The following GCSAM variants were observed in gnomAD, a reference collection of about 807,000 sequenced individuals.
GCSAM encodes the protein germinal center associated signaling and motility.
In GCSAM, 8 loss-of-function variants were observed where a neutral mutation model predicts 17.6. The ratio of observed to expected loss-of-function variants is 0.46; its 90% CI spans 0.27 to 0.82. The LOEUF is 0.82. Ranked by LOEUF, GCSAM falls within the 40% of genes least tolerant of loss-of-function variation. The pLI is 0.15. For missense variants in GCSAM, 192 were observed against 213.5 expected (o/e 0.90, Z 0.63); for synonymous variants, 68 against 69.0 (o/e 0.98, Z 0.07).
At chr3:112,123,904 T>C in intron 5 of GCSAM, 132 bp from the exon 6 acceptor site, 1 of 924,704 alleles carries the variant, frequency 1.1e-6, no homozygotes, top group South Asian at 1.7e-5. Context: ...TCTTGGCCAT[T>C]TTTTTCTAAA....
At chr3:112,128,147 G>A (rs1433529136) in intron 2 of GCSAM, 86 bp from the exon 3 acceptor site, 1 of 1,293,768 alleles carries the variant, frequency 7.7e-7, no homozygotes, top group South Asian at 1.2e-5. Context: ...CCATTTCTGT[G>A]GAAAACTTTT....
intron 1 of GCSAM, chr3:112,130,825 G>A: frequency 2.6e-6 from 1 of 384,572 alleles, no homozygotes; most frequent in Non-Finnish European, 4.9e-6. Context: ...CGTGTCCAGA[G>A]AGAGGCCTGA....
At chr3:112,126,346 C>T (rs1320015111) in intron 4 of GCSAM, among the ~76,000 whole-genome samples, 5 of 152,150 alleles carry the variant, frequency 3.3e-5, no homozygotes, top group Non-Finnish European at 7.4e-5. Context: ...AACACAATGG[C>T]TTGTCCTCAG....
At chr3:112,125,146 G>A in intron 5 of GCSAM, 80 bp downstream of exon 5, 1 of 927,130 alleles carries the variant, frequency 1.1e-6, no homozygotes, top group Non-Finnish European at 1.8e-6. Context: ...AGGGATCTCA[G>A]AGGCCAACTT....
intron 1 of GCSAM, among the ~76,000 whole-genome samples, chr3:112,132,306 G>T (rs2074475621): frequency 6.6e-6 from 1 of 152,036 alleles, no homozygotes; most frequent in Non-Finnish European, 1.5e-5. Flanking sequence ...TGAGACCAGG[G>T]ATTCCAAACA....
At chr3:112,130,710 C>T (rs1050790174) in intron 1 of GCSAM, 197 bp from the exon 2 acceptor site, 2 of 597,288 alleles carry the variant, frequency 3.3e-6, no homozygotes, top group African/African-American at 1.8e-5. Context: ...CTCTCCATTG[C>T]CACAGCAACA....
At chr3:112,131,408 C>T (rs2074448236) in intron 1 of GCSAM, among the ~76,000 whole-genome samples, 1 of 152,160 alleles carries the variant, frequency 6.6e-6, no homozygotes, top group Admixed American at 6.5e-5. Context: ...TAGATGATAA[C>T]TGGGTGTTGG....
chr3:112,133,006 A>G (rs2107819149), intron 1 of GCSAM, 86 bp downstream of exon 1: 1 of 1,375,276 alleles, frequency 7.3e-7, no homozygotes, highest in East Asian at 2.3e-5. Context: ...TTAGTGTGCT[A>G]ACTGTATACT....
intron 5 of GCSAM, 145 bp downstream of exon 5, chr3:112,125,081 C>T: frequency 1.5e-6 from 1 of 670,686 alleles, no homozygotes; most frequent in Non-Finnish European, 2.7e-6. Context: ...CCTGCACCTG[C>T]CACCCGAGTT....
chr3:112,124,685 A>G (rs1346735994), intron 5 of GCSAM, among the ~76,000 whole-genome samples: 2 of 152,160 alleles, frequency 1.3e-5, no homozygotes, highest in South Asian at 2.1e-4. Context: ...ATTACCCTCT[A>G]GAGATATTTA....
intron 2 of GCSAM, chr3:112,130,041 C>T (rs1013596336): frequency 5.7e-6 from 1 of 174,436 alleles, no homozygotes; most frequent in African/African-American, 2.4e-5. Context: ...CACAAACTTT[C>T]TAAAAATTGT....
chr3:112,130,551 C>T, intron 1 of GCSAM, 38 bp from the exon 2 acceptor site: 1 of 1,545,470 alleles, frequency 6.5e-7, no homozygotes, highest in Non-Finnish European at 8.9e-7. Context: ...TAAGTATTTC[C>T]TAAACAGGCC....
chr3:112,133,207 G>A lies in GCSAM; in HGVS notation c.-87C>T, dbSNP rs1223289393. 4 of 1,461,778 alleles carry A rather than the reference G, an allele frequency of 2.7e-6. No homozygotes were observed. Among genetic ancestry groups the A allele is most frequent in the South Asian group, 2.3e-5 (2 of 87,246 alleles). The allele number at this position is 1,461,778 out of a possible 1,614,324, so 90.6% of individuals were successfully genotyped here. ...CTGACAGGGCAACTCCTGACTTAAA[G>A]AAAGGGCTGTGTGGCTCTGGCCACC... On this transcript the variant is annotated 5_prime_UTR_variant, in exon 1 of 6. Coordinates refer to ENST00000308910, the MANE Select transcript of GCSAM (RefSeq NM_152785.5).
chr3:112,124,540 G>A (rs908942666), intron 5 of GCSAM, among the ~76,000 whole-genome samples: 3 of 152,096 alleles, frequency 2.0e-5, no homozygotes, highest in African/African-American at 4.8e-5. Context: ...CCCAGGAGGC[G>A]GAGGTTGCAG....
chr3:112,123,034 T>G lies in GCSAM; in HGVS notation c.*421A>C, dbSNP rs2074229493. 1 of 200,878 alleles carries G rather than the reference T, an allele frequency of 5.0e-6. No homozygotes were observed. The highest frequency in any genetic ancestry group is 1.0e-5 in the Non-Finnish European group (1 of 98,462). 12.4% of individuals were successfully genotyped at this position (200,878 alleles called of 1,614,324 possible). A position where few individuals can be genotyped will look rare whatever the true frequency, so the allele number is the denominator to read the frequency against. ...TGGGGACTGAGCTGGAAGGTCACAGTAATGAGTGAACTCCCCCTTGGGCAC... is the reference window on the plus strand; with the variant it reads ...TGGGGACTGAGCTGGAAGGTCACAGGAATGAGTGAACTCCCCCTTGGGCAC... On this transcript the variant is annotated 3_prime_UTR_variant, in exon 6 of 6. Transcript: ENST00000308910.
rs1553769736 is a variant in GCSAM, at chr3:112,123,782, A to G, written c.220-10T>C. On this transcript the variant is annotated splice_polypyrimidine_tract_variant and intron_variant, in intron 5 of 5. Coordinates refer to ENST00000308910, the MANE Select transcript of GCSAM (RefSeq NM_152785.5). Reference sequence around the variant, plus strand: ...TCTGGTCAACATTGTCCTGCTTGTCAAAGAAGAACCATCATCAAGATTTGG... The same window carrying G: ...TCTGGTCAACATTGTCCTGCTTGTCGAAGAAGAACCATCATCAAGATTTGG... The G allele has an allele frequency of 3.1e-6, 5 of 1,602,838 alleles. No individual in the cohort carries two copies. In the South Asian group the frequency reaches 5.6e-5, roughly 18 times the overall value.
Position 112,133,102 on chromosome 3 carries a change from T to C in GCSAM, c.19A>G (p.Arg7Gly). Residue 7 changes from arginine (R) to glycine (G), a missense_variant, in exon 1 of 6, where the codon AGA (arginine) becomes GGA (glycine). Arg to Gly is a moderately radical substitution (Grantham distance 125). Transcript: ENST00000308910. MGNSLLRENRRQQNTQE... is the reference protein window; with the variant it reads MGNSLLGENRRQQNTQE... ...GGAGTCTAGACTTACCTGTTTTCTCTCAGCAGAGAATTTCCCATCCTCTCA... is the reference window on the plus strand; with the variant it reads ...GGAGTCTAGACTTACCTGTTTTCTCCCAGCAGAGAATTTCCCATCCTCTCA... 1 of 1,613,890 alleles carries C rather than the reference T, an allele frequency of 6.2e-7. No homozygotes were observed. The highest frequency in any genetic ancestry group is 8.5e-7 in the Non-Finnish European group (1 of 1,179,712).
chr3:112,133,011 T>G, intron 1 of GCSAM, 81 bp downstream of exon 1: 1 of 1,431,534 alleles, frequency 7.0e-7, no homozygotes. Flanking sequence ...GTGCTAACTG[T>G]ATACTAGCTT....
Position 112,123,874 on chromosome 3 carries a change from A to C in GCSAM, c.220-102T>G, listed in dbSNP as rs1380770508. The C allele has an allele frequency of 1.9e-5, 23 of 1,225,106 alleles. No homozygotes were observed. The South Asian group carries it at 3.2e-4, about 17-fold the overall frequency. 75.9% of individuals were successfully genotyped at this position (1,225,106 alleles called of 1,614,324 possible). A position where few individuals can be genotyped will look rare whatever the true frequency, so the allele number is the denominator to read the frequency against. On this transcript the variant is annotated intron_variant, in intron 5 of 5. Coordinates refer to ENST00000308910, the MANE Select transcript of GCSAM (RefSeq NM_152785.5). ...TGACCCTTGGTCAAGTCTGTCTTCT[A>C]TGACCACCTCCTCCCCATCTCTTGG...
Sources: allele counts gnomAD v4.1 joint callset (sites outside exome capture counted in the v4.1 genomes callset), GRCh38; gene constraint gnomAD v4.1.1; transcripts MANE v1.5; gene names NCBI Gene and HGNC (gene_info 2026-07-23, HGNC 2026-07-21).